The following ERICH3 variants were observed in gnomAD, a reference collection of about 807,000 sequenced individuals.
The protein encoded by ERICH3 is glutamate rich 3.
A neutral mutation model predicts 131.1 loss-of-function variants in ERICH3; 126 were observed. The observed-to-expected ratio is 0.96, with a 90% CI of 0.83 to 1.11. The LOEUF (loss-of-function observed/expected upper bound fraction) is 1.11. ERICH3 is among the 50% of genes most tolerant of loss of function. The probability of loss-of-function intolerance (pLI) is 0.00; values close to 1 mark genes in which losing one functional copy is unlikely to be tolerated. For missense variants in ERICH3, 2,050 were observed against 1,810.7 expected (o/e 1.13, Z -2.40); for synonymous variants, 695 against 644.6 (o/e 1.08, Z -1.18).
At chr1:74,602,667 C>T (rs1648195727) in intron 10 of ERICH3, among the ~76,000 whole-genome samples, 1 of 151,628 alleles carries the variant, frequency 6.6e-6, no homozygotes, top group Admixed American at 6.6e-5. Flanking sequence ...CTAGCCAACA[C>T]AGAAGAAAGA....
intron 12 of ERICH3, among the ~76,000 whole-genome samples, chr1:74,578,797 C>T (rs1647123240): frequency 6.6e-6 from 1 of 151,946 alleles, no homozygotes; most frequent in Non-Finnish European, 1.5e-5. Context: ...CAGTTTCTTG[C>T]TTAGTTTAAA....
intron 1 of ERICH3, among the ~76,000 whole-genome samples, chr1:74,666,101 T>C (rs1646689556): frequency 6.6e-6 from 1 of 152,090 alleles, no homozygotes; most frequent in South Asian, 2.1e-4. Context: ...AACATTCATG[T>C]AGATAGCTCA....
chr1:74,596,657 T>C (rs1469572530), intron 11 of ERICH3, among the ~76,000 whole-genome samples: 3 of 152,098 alleles, frequency 2.0e-5, no homozygotes, highest in African/African-American at 7.2e-5. Context: ...AAAAGTATAT[T>C]CTCAGTGACA....
rs1570802856 is a variant in ERICH3, at chr1:74,576,923, C to G, written c.2190G>C (p.Leu730Phe). Residue 730 changes from leucine (L) to phenylalanine (F), a missense_variant, in exon 13 of 15, where the codon TTG becomes TTC. By Grantham distance (22) the Leu-to-Phe change is conservative (BLOSUM62 0). Coordinates refer to ENST00000326665, the MANE Select transcript of ERICH3 (RefSeq NM_001002912.5). ...PGLEEGGKDS[L>F]PLAYVLALGA... The stretch of plus-strand genomic sequence containing the variant: ...CAAGAGCCAGGACATAGGCTAATGG[C>G]AATGAATCCTTTCCTAGTTAAAAAA... 2 of 1,579,010 alleles carry G rather than the reference C, an allele frequency of 1.3e-6. No homozygotes were observed. The highest frequency in any genetic ancestry group is 2.3e-5 in the East Asian group (1 of 43,844).
At chr1:74,578,279 CAAT>C (rs1647107084) in intron 12 of ERICH3, 1 of 178,216 alleles carries the variant, frequency 5.6e-6, no homozygotes, top group Non-Finnish European at 1.1e-5. Flanking sequence ...ATAATAACAG[CAAT>C]GATGATGATG....
chr1:74,613,551 T>C (rs1415739030), intron 8 of ERICH3, among the ~76,000 whole-genome samples: 1 of 152,190 alleles, frequency 6.6e-6, no homozygotes, highest in African/African-American at 2.4e-5. Flanking sequence ...CTTTTATTTT[T>C]AGTTGTGACT....
chr1:74,658,236 C>T (rs1177100684), intron 1 of ERICH3, among the ~76,000 whole-genome samples: 1 of 152,180 alleles, frequency 6.6e-6, no homozygotes, highest in Non-Finnish European at 1.5e-5. Flanking sequence ...TCCTTTTCCC[C>T]TCCACTTCCC....
chr1:74,643,873 T>G (rs1450188600), intron 3 of ERICH3, among the ~76,000 whole-genome samples: 1 of 152,080 alleles, frequency 6.6e-6, no homozygotes, highest in African/African-American at 2.4e-5. Flanking sequence ...TGTCACAACA[T>G]AGTATGAGTT....
intron 6 of ERICH3, chr1:74,634,612 T>C: frequency 1.4e-6 from 1 of 706,386 alleles, no homozygotes; most frequent in South Asian, 1.5e-5. Context: ...TGAAACAAAG[T>C]ATTGATCAAA....
In ERICH3 at chr1:74,589,899, A is replaced by G; in HGVS notation, c.1908T>C (p.Ile636=). The G allele has an allele frequency of 1.9e-6, 3 of 1,613,916 alleles. No homozygotes were observed. Among genetic ancestry groups the G allele is most frequent in the Middle Eastern group, 3.3e-4 (2 of 6,062 alleles). The change falls in exon 12 of 15, where the codon ATT becomes ATC. Residue 636 remains isoleucine, a synonymous_variant. Transcript: ENST00000326665. Reference sequence around the variant, plus strand: ...CAATTTCAATTTCTAAGGATTCCTCAATTGGAAGGTGAGACTTTCTTGGCT... The same window carrying G: ...CAATTTCAATTTCTAAGGATTCCTCGATTGGAAGGTGAGACTTTCTTGGCT... The part of the protein sequence containing the change: ...NDKPRKSHLP[I]EESLEIEIED...
In ERICH3 at chr1:74,641,235, C is replaced by T. The variant is rs573559087; in HGVS notation, c.444+96G>A. ...TCATTCAGTAGGACTGGCAGCATTA[C>T]GGAGTCATGCTCCCAGAGAGTATCC... On this transcript the variant is annotated intron_variant, in intron 5 of 14. Transcript: ENST00000326665. 28 of 1,396,030 alleles carry T rather than the reference C, an allele frequency of 2.0e-5. 1 individual carries two copies. Among genetic ancestry groups the T allele is most frequent in the South Asian group, 1.1e-4 (8 of 74,602 alleles). The allele number at this position is 1,396,030 out of a possible 1,614,324, so 86.5% of individuals were successfully genotyped here.
intron 3 of ERICH3, among the ~76,000 whole-genome samples, chr1:74,644,877 C>A (rs568759750): frequency 9.2e-5 from 14 of 152,144 alleles, no homozygotes; most frequent in South Asian, 4.1e-4. Flanking sequence ...CACCTACACC[C>A]CAAACTTAGT....
At position 74,571,215 on chromosome 1, in the gene ERICH3, C is replaced by A. The variant is rs753888791; in HGVS notation, c.4495G>T (p.Val1499Leu). Residue 1499 changes from valine (V) to leucine (L), a missense_variant, in exon 14 of 15, where the codon GTG becomes TTG. Physicochemically the swap from Val to Leu is conservative, Grantham distance 32 (BLOSUM62 1). Coordinates refer to ENST00000326665, the MANE Select transcript of ERICH3 (RefSeq NM_001002912.5). Reference sequence around the variant, plus strand: ...CGGGTTTCAGTGAAATCAGGCTTCACTGGAAGTGTTGCCATCGCCTGTAGA... The same window carrying A: ...CGGGTTTCAGTGAAATCAGGCTTCAATGGAAGTGTTGCCATCGCCTGTAGA... ...ESLQAMATLP[V>L]KPDFTETREK... 1 of 1,614,148 alleles carries A rather than the reference C, an allele frequency of 6.2e-7. No homozygotes were observed. Among genetic ancestry groups the A allele is most frequent in the Non-Finnish European group, 8.5e-7 (1 of 1,180,012 alleles).
At chr1:74,646,607 T>G in intron 3 of ERICH3, 60 bp downstream of exon 3, 1 of 996,264 alleles carries the variant, frequency 1.0e-6, no homozygotes, top group East Asian at 3.2e-5. Flanking sequence ...TACCTCCATC[T>G]TCAGTGATGT....
At chr1:74,641,201 A>G (rs1646434485) in intron 5 of ERICH3, 130 bp downstream of exon 5, 3 of 1,033,286 alleles carry the variant, frequency 2.9e-6, no homozygotes, top group Non-Finnish European at 4.2e-6. Flanking sequence ...CAGATATAAG[A>G]CTATATTTTC....
At chr1:74,636,195 C>G (rs546174201) in intron 6 of ERICH3, 85 bp downstream of exon 6, 6 of 1,098,662 alleles carry the variant, frequency 5.5e-6, no homozygotes, top group Non-Finnish European at 6.2e-6. Flanking sequence ...AGATTTTAAT[C>G]GAATATAATA....
At chr1:74,649,944 T>C (rs1646518304) in intron 1 of ERICH3, among the ~76,000 whole-genome samples, 1 of 152,106 alleles carries the variant, frequency 6.6e-6, no homozygotes, top group Non-Finnish European at 1.5e-5. Flanking sequence ...TGAGTTACTA[T>C]CTCATCACAT....
chr1:74,607,762 T>G (rs1024571188), intron 9 of ERICH3, among the ~76,000 whole-genome samples: 1 of 151,948 alleles, frequency 6.6e-6, no homozygotes, highest in African/African-American at 2.4e-5. Context: ...AAAAGTAATA[T>G]GAATAAATTG....
intron 6 of ERICH3, among the ~76,000 whole-genome samples, chr1:74,632,290 G>A (rs1009531087): frequency 1.3e-5 from 2 of 151,962 alleles, no homozygotes; most frequent in African/African-American, 4.8e-5. Context: ...AGGAAATTAG[G>A]ACTTTTTTCA....
Sources: allele counts gnomAD v4.1 joint callset (sites outside exome capture counted in the v4.1 genomes callset), GRCh38; gene constraint gnomAD v4.1.1; transcripts MANE v1.5; gene names NCBI Gene and HGNC (gene_info 2026-07-23, HGNC 2026-07-21).